EPHA5: variants seen among roughly 807,000 people sequenced by gnomAD.
EPHA5 encodes the protein EPH receptor A5, also known as ephrin type-A receptor 5.
Under a neutral mutation model 105.0 loss-of-function variants are expected in EPHA5, and 60 were observed. That is an observed-to-expected ratio of 0.57 (90% CI 0.46 to 0.71). The LOEUF (loss-of-function observed/expected upper bound fraction) is 0.71, where lower values mean the gene tolerates loss of function less well. Among genes scored for constraint, EPHA5 ranks in the 30% least tolerant of loss-of-function variants. The probability of loss-of-function intolerance (pLI) is 0.00; values close to 1 mark genes in which losing one functional copy is unlikely to be tolerated. For missense variants in EPHA5, 1,218 were observed against 1,274.7 expected, an observed-to-expected ratio of 0.96 and a Z score of 0.68; for synonymous variants, 513 against 449.1, an observed-to-expected ratio of 1.14 and a Z score of -1.80.
At chr4:65,446,676 T>TCATGTATGCACATGGGGTG (rs1726564753) in intron 5 of EPHA5, among the ~76,000 whole-genome samples, 3 of 151,886 alleles carry the variant, frequency 2.0e-5, no homozygotes. Flanking sequence ...GTAGGGATGC[T>TCATGTATGCACATGGGGTG]CATGTATGCA....
chr4:65,446,619 A>G (rs1726557445), intron 5 of EPHA5, among the ~76,000 whole-genome samples: 1 of 152,210 alleles, frequency 6.6e-6, no homozygotes, highest in Non-Finnish European at 1.5e-5. Context: ...GAAATGAATT[A>G]TAACTTAAGA....
intron 9 of EPHA5, 46 bp downstream of exon 9, chr4:65,367,311 A>G (rs2198104): frequency 0.45 from 641,165 of 1,435,094 alleles, 149,880 homozygotes; most frequent in East Asian, 0.53. Flanking sequence ...ATAACAATAA[A>G]GTGTCCCCTA....
chr4:65,561,230 G>T (rs1164212276), intron 3 of EPHA5, among the ~76,000 whole-genome samples: 1 of 151,376 alleles, frequency 6.6e-6, no homozygotes, highest in Non-Finnish European at 1.5e-5. Flanking sequence ...AAAAATAAAT[G>T]AGCTTTGTAA....
chr4:65,638,066 A>G (rs183558768), intron 2 of EPHA5, among the ~76,000 whole-genome samples: 4 of 152,270 alleles, frequency 2.6e-5, no homozygotes, highest in Admixed American at 2.6e-4. Flanking sequence ...AGACATTTTT[A>G]CCAGTATAAG....
intron 2 of EPHA5, among the ~76,000 whole-genome samples, chr4:65,628,775 A>C (rs1746372947): frequency 6.6e-6 from 1 of 152,202 alleles, no homozygotes; most frequent in African/African-American, 2.4e-5. Context: ...AATTATTTGA[A>C]TAATTTATAA....
At position 65,323,258 on chromosome 4, in the gene EPHA5, T is replaced by C. The variant is rs1257148692; in HGVS notation, c.*856A>G. On this transcript the variant is annotated 3_prime_UTR_variant, in exon 17 of 17. Coordinates refer to ENST00000613740, the MANE Select transcript of EPHA5 (RefSeq NM_001281766.3). ...AAAGAGACACAAGCTTGTGTTAAAT[T>C]TTGTTTTACTGCTTCCCTATTTCTC... 1 of 229,220 alleles carries C rather than the reference T, an allele frequency of 4.4e-6. No individual in the cohort carries two copies. Among genetic ancestry groups the C allele is most frequent in the African/African-American group, 2.2e-5 (1 of 45,072 alleles). 14.2% of individuals were successfully genotyped at this position (229,220 alleles called of 1,614,324 possible).
At chr4:65,643,678 G>A (rs1168207510) in intron 1 of EPHA5, among the ~76,000 whole-genome samples, 1 of 149,912 alleles carries the variant, frequency 6.7e-6, no homozygotes, top group Non-Finnish European at 1.5e-5. Context: ...TTTTTTTCTT[G>A]CAAAACAATA....
At chr4:65,361,730 A>C (rs1470382930) in intron 11 of EPHA5, among the ~76,000 whole-genome samples, 3 of 151,726 alleles carry the variant, frequency 2.0e-5, no homozygotes, top group African/African-American at 2.4e-5. Flanking sequence ...AAATAAAGAG[A>C]AAGACAGAGA....
At position 65,329,674 on chromosome 4, in the gene EPHA5, C is replaced by A. The variant is rs1200830052; in HGVS notation, c.2945+2299G>T. 2.0e-5 allele frequency among the ~76,000 whole-genome samples: 3 copies of A among 151,270 alleles called. No homozygotes were observed. In the East Asian group the frequency reaches 5.9e-4, roughly 30 times the overall value. On this transcript the variant is annotated intron_variant, in intron 16 of 16. Coordinates refer to ENST00000613740, the MANE Select transcript of EPHA5 (RefSeq NM_001281766.3). ...TATATTTTATTATTTTATTATACAG[C>A]CTTCATAAAATTAATACTTAGGTAT...
chr4:65,552,859 C>T (rs1351504226), intron 3 of EPHA5, among the ~76,000 whole-genome samples: 1 of 151,790 alleles, frequency 6.6e-6, no homozygotes, highest in Non-Finnish European at 1.5e-5. Context: ...AGGAAATATT[C>T]TTTTTTTTAG....
At chr4:65,637,225 G>T (rs1347487339) in intron 2 of EPHA5, among the ~76,000 whole-genome samples, 8 of 139,044 alleles carry the variant, frequency 5.8e-5, no homozygotes, top group South Asian at 2.3e-4. Flanking sequence ...GCACAGAAAA[G>T]TTTTTTTTTT....
intron 3 of EPHA5, among the ~76,000 whole-genome samples, chr4:65,521,383 G>C (rs1734700318): frequency 6.6e-6 from 1 of 151,990 alleles, no homozygotes; most frequent in Admixed American, 6.6e-5. Flanking sequence ...TTGAGGTCGG[G>C]GGAGTGGGGA....
intron 8 of EPHA5, among the ~76,000 whole-genome samples, chr4:65,369,253 T>C (rs1044093256): frequency 6.6e-6 from 1 of 152,192 alleles, no homozygotes; most frequent in Non-Finnish European, 1.5e-5. Flanking sequence ...ATGTGCTGAA[T>C]GAACACTGAA....
chr4:65,433,110 A>G (rs1056982285), intron 5 of EPHA5, among the ~76,000 whole-genome samples: 2 of 152,174 alleles, frequency 1.3e-5, no homozygotes, highest in African/African-American at 2.4e-5. Context: ...GCAAACCAGA[A>G]CAAAATAAAA....
chr4:65,348,691 TATATATA>T (rs1198091960), intron 13 of EPHA5, among the ~76,000 whole-genome samples: 1 of 45,710 alleles, frequency 2.2e-5, no homozygotes, highest in African/African-American at 9.1e-5. Context: ...TATATATATA[TATATATA>T]AAATATATAT....
intron 4 of EPHA5, among the ~76,000 whole-genome samples, chr4:65,490,922 T>C (rs1578239906): frequency 6.6e-6 from 1 of 152,174 alleles, no homozygotes; most frequent in African/African-American, 2.4e-5. Flanking sequence ...GTTATAACAC[T>C]AGTTCAGTAA....
At chr4:65,597,504 T>C (rs1182959210) in intron 3 of EPHA5, among the ~76,000 whole-genome samples, 1 of 151,308 alleles carries the variant, frequency 6.6e-6, no homozygotes, top group South Asian at 2.1e-4. Context: ...AAAAATAGCA[T>C]GAATTTCATC....
chr4:65,434,571 AG>A (rs1001490644), intron 5 of EPHA5, among the ~76,000 whole-genome samples: 1 of 152,152 alleles, frequency 6.6e-6, no homozygotes, highest in Non-Finnish European at 1.5e-5. Context: ...CATTTATGGA[AG>A]GTTTTTTTTG....
At chr4:65,625,668 GTTA>G (rs1746072587) in intron 2 of EPHA5, among the ~76,000 whole-genome samples, 1 of 152,126 alleles carries the variant, frequency 6.6e-6, no homozygotes, top group African/African-American at 2.4e-5. Context: ...TGTGGTTGTA[GTTA>G]TGATAAGAAA....
Sources: allele counts gnomAD v4.1 joint callset (sites outside exome capture counted in the v4.1 genomes callset), GRCh38; gene constraint gnomAD v4.1.1; transcripts MANE v1.5; gene names NCBI Gene and HGNC (gene_info 2026-07-23, HGNC 2026-07-21).